Variants in DPP6 observed in about 807,000 individuals in gnomAD.
DPP6 encodes the protein dipeptidyl peptidase like 6, also known as A-type potassium channel modulatory protein DPP6.
DPP6 carries 69 observed loss-of-function variants against 122.6 expected under a neutral mutation model. The observed-to-expected ratio is 0.56, with a 90% CI of 0.46 to 0.69. The LOEUF (loss-of-function observed/expected upper bound fraction) is 0.69. DPP6 is among the 30% of genes least tolerant of loss of function. DPP6 has a pLI of 0.00. For missense variants in DPP6, 928 were observed against 1,116.9 expected (o/e 0.83, Z 2.41); for synonymous variants, 418 against 433.1 (o/e 0.97, Z 0.43).
Position 154,601,176 on chromosome 7 carries a change from G to A in DPP6, c.627+34260G>A, listed in dbSNP as rs542598658. On this transcript the variant is annotated intron_variant, in intron 5 of 25. Transcript: ENST00000377770. ...TGTTGAATGCGTCCAGGGTCTTGAA[G>A]GTGTGTATGTATGCTGATGCACTTG... Among the ~76,000 whole-genome samples the A allele has an allele frequency of 2.0e-3, 245 of 121,646 alleles. 45 individuals are homozygous for A. The highest frequency in any genetic ancestry group is 5.9e-3 in the African/African-American group (226 of 38,262). 79.8% of individuals were successfully genotyped at this position (121,646 alleles called of 152,430 possible).
intron 1 of DPP6, among the ~76,000 whole-genome samples, chr7:154,057,094 G>A (rs1345255771): frequency 3.9e-5 from 6 of 152,216 alleles, no homozygotes; most frequent in African/African-American, 1.2e-4. Context: ...CAAAGTGGGA[G>A]CCATGAGGCC....
At chr7:154,386,081 T>C (rs543460872) in intron 1 of DPP6, among the ~76,000 whole-genome samples, 1 of 152,324 alleles carries the variant, frequency 6.6e-6, no homozygotes, top group African/African-American at 2.4e-5. Flanking sequence ...GATTCCTCTT[T>C]CCATTTCTGT....
intron 1 of DPP6, among the ~76,000 whole-genome samples, chr7:153,900,029 C>A (rs139608622): frequency 2.0e-5 from 3 of 152,114 alleles, no homozygotes. Flanking sequence ...GCTGGACCTG[C>A]GTTATCAGCA....
the DPP6 span, among the ~76,000 whole-genome samples, chr7:153,871,263 G>A: frequency 4.6e-5 from 7 of 152,342 alleles, no homozygotes; most frequent in South Asian, 4.1e-4. Flanking sequence ...AGCCTGTAGA[G>A]GCAGGCAGGC....
intron 1 of DPP6, among the ~76,000 whole-genome samples, chr7:154,236,980 C>T (rs1156519522): frequency 6.6e-6 from 1 of 152,192 alleles, no homozygotes; most frequent in African/African-American, 2.4e-5. Context: ...TACTCACCCC[C>T]TGTGTCTCAT....
At chr7:154,619,606 TG>T (rs1834505686) in intron 5 of DPP6, among the ~76,000 whole-genome samples, 1 of 152,176 alleles carries the variant, frequency 6.6e-6, no homozygotes, top group Non-Finnish European at 1.5e-5. Flanking sequence ...GGTAAAAATT[TG>T]TGAAAGAGCC....
At chr7:154,617,494 C>T (rs1834340377) in intron 5 of DPP6, among the ~76,000 whole-genome samples, 1 of 152,146 alleles carries the variant, frequency 6.6e-6, no homozygotes, top group Non-Finnish European at 1.5e-5. Flanking sequence ...CAAGGGTCAT[C>T]TAATGAGACT....
chr7:154,692,766 T>G (rs1421627980), intron 7 of DPP6, among the ~76,000 whole-genome samples: 5 of 147,394 alleles, frequency 3.4e-5, no homozygotes, highest in African/African-American at 1.3e-4. Flanking sequence ...ATTTGAAAAC[T>G]ATTATTCTCT....
rs1218097931 is a variant in DPP6, at chr7:154,575,384, ATG to A, written c.627+8476_627+8477del. On this transcript the variant is annotated intron_variant, in intron 5 of 25. Coordinates refer to ENST00000377770, the MANE Select transcript of DPP6 (RefSeq NM_130797.4). The stretch of plus-strand genomic sequence containing the variant: ...TGTGTGATGTGTGTGTATGTGTGTG[ATG>A]TGTGTGTAGTGTGTGTGTGGTGTTT... Among the ~76,000 whole-genome samples the A allele has an allele frequency of 0.016, 342 of 21,990 alleles. 31 individuals are homozygous for A. In the East Asian group the frequency reaches 0.24, roughly 16 times the overall value. The allele number at this position is 21,990 out of a possible 152,430, so 14.4% of individuals were successfully genotyped here.
chr7:153,958,550 C>T (rs1451587286), intron 1 of DPP6, among the ~76,000 whole-genome samples: 3 of 152,066 alleles, frequency 2.0e-5, no homozygotes, highest in Non-Finnish European at 2.9e-5. Context: ...ACTTGCAGGT[C>T]GAGCCAAGAG....
intron 1 of DPP6, among the ~76,000 whole-genome samples, chr7:153,909,543 ACTC>A (rs1160086640): frequency 5.3e-5 from 8 of 151,736 alleles, no homozygotes; most frequent in African/African-American, 1.7e-4. Flanking sequence ...ACTATTTTTA[ACTC>A]CTCCTCATTT....
intron 21 of DPP6, chr7:154,883,842 TACAC>T (rs1302664946): frequency 8.5e-6 from 1 of 117,024 alleles, no homozygotes; most frequent in Non-Finnish European, 1.7e-5. Context: ...TGCTCACCCA[TACAC>T]ACATGCTCAC....
chr7:153,969,349 G>A (rs967330946), intron 1 of DPP6, among the ~76,000 whole-genome samples: 7 of 29,810 alleles, frequency 2.3e-4, no homozygotes, highest in Non-Finnish European at 3.8e-4. Flanking sequence ...TCTGAGGAGG[G>A]TGATTTTGAC....
At chr7:154,106,273 A>G (rs938109336) in intron 1 of DPP6, among the ~76,000 whole-genome samples, 5 of 127,342 alleles carry the variant, frequency 3.9e-5, no homozygotes, top group Non-Finnish European at 8.1e-5. Context: ...TCACTTCTCC[A>G]TGAGGGGCTC....
intron 1 of DPP6, among the ~76,000 whole-genome samples, chr7:154,303,866 GAAGCCC>G (rs1380475595): frequency 2.0e-5 from 3 of 152,194 alleles, no homozygotes; most frequent in African/African-American, 7.2e-5. Flanking sequence ...CAATTCCAAA[GAAGCCC>G]ACAGTGCCTT....
chr7:153,754,950 T>G, the DPP6 span, among the ~76,000 whole-genome samples: 1 of 151,930 alleles, frequency 6.6e-6, no homozygotes, highest in Non-Finnish European at 1.5e-5. Flanking sequence ...AAATGAGGAG[T>G]CTTCTTATAA....
Position 154,607,673 on chromosome 7 carries a change from A to G in DPP6, c.628-30148A>G, listed in dbSNP as rs1007504454. 3.4e-5 allele frequency among the ~76,000 whole-genome samples: 4 copies of G among 118,186 alleles called. 2 individuals are homozygous for G. Among genetic ancestry groups the G allele is most frequent in the Non-Finnish European group, 3.8e-5 (2 of 52,882 alleles). The allele number at this position is 118,186 out of a possible 152,430, so 77.5% of individuals were successfully genotyped here. On this transcript the variant is annotated intron_variant, in intron 5 of 25. Transcript: ENST00000377770. ...TAGACAGACGATTCATCTTGTAAAC[A>G]GAAAACATGAACTTATTATAGTCCT...
At chr7:153,849,771 A>C in the DPP6 span, among the ~76,000 whole-genome samples, 2 of 152,168 alleles carry the variant, frequency 1.3e-5, no homozygotes, top group Non-Finnish European at 2.9e-5. Context: ...ATTTACTTGT[A>C]TTCCACTTTG....
At chr7:154,568,830 T>TA (rs1220111953) in intron 5 of DPP6, among the ~76,000 whole-genome samples, 1 of 152,136 alleles carries the variant, frequency 6.6e-6, no homozygotes, top group Non-Finnish European at 1.5e-5. Flanking sequence ...TACAGAACTA[T>TA]AAAAATGATA....
Sources: allele counts gnomAD v4.1 joint callset (sites outside exome capture counted in the v4.1 genomes callset), GRCh38; gene constraint gnomAD v4.1.1; transcripts MANE v1.5; gene names NCBI Gene and HGNC (gene_info 2026-07-23, HGNC 2026-07-21).